ELP2: variants seen among roughly 807,000 people sequenced by gnomAD.
ELP2 encodes elongator complex protein 2.
A neutral mutation model predicts 119.2 loss-of-function variants in ELP2; 90 were observed. The observed-to-expected ratio is 0.75, with a 90% CI of 0.64 to 0.90. The LOEUF is 0.90. ELP2 is among the 40% of genes least tolerant of loss of function. The pLI, the probability that ELP2 is intolerant of heterozygous loss-of-function variation, is 0.00. For missense variants in ELP2, 921 were observed against 967.8 expected, an observed-to-expected ratio of 0.95 and a Z score of 0.64; for synonymous variants, 339 against 331.0, an observed-to-expected ratio of 1.02 and a Z score of -0.26.
intron 14 of ELP2, 139 bp downstream of exon 14, chr18:36,159,043 C>T (rs919710502): frequency 2.7e-5 from 18 of 670,150 alleles, no homozygotes; most frequent in South Asian, 1.3e-4. Flanking sequence ...TCACCTATTT[C>T]GTGATAAGTA....
intron 19 of ELP2, among the ~76,000 whole-genome samples, chr18:36,168,046 TC>T (rs1400749651): frequency 1.3e-5 from 2 of 152,210 alleles, no homozygotes; most frequent in African/African-American, 2.4e-5. Context: ...CTCTGGTCTT[TC>T]CTTTGTTTTC....
intron 19 of ELP2, among the ~76,000 whole-genome samples, chr18:36,169,491 A>AGG: frequency 6.6e-6 from 1 of 150,458 alleles, no homozygotes; most frequent in Non-Finnish European, 1.5e-5. Context: ...GGTTCAAGCG[A>AGG]TTCTCCTGCC....
chr18:36,153,429 C>G (rs943418419), intron 11 of ELP2, among the ~76,000 whole-genome samples: 2 of 152,096 alleles, frequency 1.3e-5, no homozygotes, highest in African/African-American at 4.8e-5. Context: ...GTAGGGAAAA[C>G]TCTCTCTCTT....
intron 19 of ELP2, among the ~76,000 whole-genome samples, chr18:36,169,385 GTT>G: frequency 9.3e-6 from 1 of 107,588 alleles, no homozygotes; most frequent in Non-Finnish European, 1.9e-5. Flanking sequence ...AAGCTGATAA[GTT>G]CTTTTTTTTT....
intron 11 of ELP2, among the ~76,000 whole-genome samples, chr18:36,150,295 T>A (rs1224411540): frequency 6.6e-6 from 1 of 152,146 alleles, no homozygotes; most frequent in Admixed American, 6.5e-5. Flanking sequence ...ATCCAGCAGT[T>A]TTTCACACAG....
At chr18:36,156,359 C>CTAT in intron 12 of ELP2, 107 bp from the exon 13 acceptor site, 1 of 1,078,242 alleles carries the variant, frequency 9.3e-7, no homozygotes, top group Non-Finnish European at 1.4e-6. Flanking sequence ...TGAATATTTG[C>CTAT]CCCATGGTTA....
intron 1 of ELP2, among the ~76,000 whole-genome samples, chr18:36,131,423 AGCGCCGTGAGCGCG>A (rs1386109114): frequency 6.6e-6 from 1 of 152,228 alleles, no homozygotes; most frequent in Non-Finnish European, 1.5e-5. Context: ...CTCCTCATCC[AGCGCCGTGAGCGCG>A]GAGCCTTGCG....
chr18:36,144,107 TG>T (rs1377595075), intron 8 of ELP2, among the ~76,000 whole-genome samples: 2 of 152,232 alleles, frequency 1.3e-5, no homozygotes, highest in African/African-American at 4.8e-5. Context: ...TTCTGTTTTT[TG>T]TTACTATTCT....
At chr18:36,141,479 A>G (rs528901977) in intron 6 of ELP2, 13 of 432,582 alleles carry the variant, frequency 3.0e-5, no homozygotes, top group Middle Eastern at 6.6e-4. Flanking sequence ...TTTCTCTTAA[A>G]GATTTAAACG....
chr18:36,136,505 G>A, intron 3 of ELP2, 128 bp downstream of exon 3: 1 of 779,076 alleles, frequency 1.3e-6, no homozygotes, highest in Non-Finnish European at 2.3e-6. Flanking sequence ...AGCCTCCTAA[G>A]TAGCTGGGAC....
At chr18:36,166,578 C>T (rs112494525) in intron 18 of ELP2, among the ~76,000 whole-genome samples, 6,881 of 151,950 alleles carry the variant, frequency 0.045, 493 homozygotes, top group African/African-American at 0.15. Flanking sequence ...GTGATCCACC[C>T]GCCTCTGCCT....
chr18:36,134,190 CAT>C (rs1477514948), intron 2 of ELP2, among the ~76,000 whole-genome samples: 1 of 152,066 alleles, frequency 6.6e-6, no homozygotes, highest in Non-Finnish European at 1.5e-5. Context: ...ACCTTAATAA[CAT>C]GTGAGAAGTA....
intron 5 of ELP2, among the ~76,000 whole-genome samples, chr18:36,140,361 T>G (rs1331318551): frequency 6.6e-6 from 1 of 152,082 alleles, no homozygotes; most frequent in African/African-American, 2.4e-5. Flanking sequence ...TATTTTTATT[T>G]TGGGGGATGG....
chr18:36,167,568 T>C (rs1466888406), intron 19 of ELP2, among the ~76,000 whole-genome samples: 1 of 152,226 alleles, frequency 6.6e-6, no homozygotes, highest in Non-Finnish European at 1.5e-5. Flanking sequence ...ATTTTCTAGT[T>C]TTCTTACTTT....
chr18:36,130,974 T>C (rs752470177), intron 1 of ELP2, among the ~76,000 whole-genome samples: 1 of 151,632 alleles, frequency 6.6e-6, no homozygotes, highest in Non-Finnish European at 1.5e-5. Context: ...TGGAGACCAG[T>C]TTAGGCAACA....
At chr18:36,139,016 T>C (rs533557866) in intron 5 of ELP2, 144 bp downstream of exon 5, 1 of 723,622 alleles carries the variant, frequency 1.4e-6, no homozygotes, top group East Asian at 2.6e-5. Context: ...ACTTTCCTTA[T>C]AATATTCAAA....
At chr18:36,169,928 A>G (rs1416592361) in intron 19 of ELP2, 135 bp from the exon 20 acceptor site, 3 of 1,153,652 alleles carry the variant, frequency 2.6e-6, no homozygotes, top group Non-Finnish European at 3.8e-6. Flanking sequence ...CTGGCACACC[A>G]TACACGAATG....
chr18:36,159,831 G>A lies in ELP2; in HGVS notation c.1630+1G>A. 1 of 1,613,216 alleles carries A rather than the reference G, an allele frequency of 6.2e-7. No homozygotes were observed. Among genetic ancestry groups the A allele is most frequent in the Non-Finnish European group, 8.5e-7 (1 of 1,179,314 alleles). ...GCCTTTCAGCCCTCCATACTTACTGGTAAGATGTGACAAAGACAATTTAAT... is the reference window on the plus strand; with the variant it reads ...GCCTTTCAGCCCTCCATACTTACTGATAAGATGTGACAAAGACAATTTAAT... On this transcript the variant is annotated splice_donor_variant, in intron 15 of 21. Coordinates refer to ENST00000358232, the MANE Select transcript of ELP2 (RefSeq NM_018255.4). LOFTEE classifies it high-confidence loss of function.
intron 21 of ELP2, among the ~76,000 whole-genome samples, chr18:36,173,964 A>T (rs2091157028): frequency 6.6e-6 from 1 of 152,196 alleles, no homozygotes; most frequent in South Asian, 2.1e-4. Context: ...ACGCAGTTAG[A>T]GGTCACACTG....
Sources: allele counts gnomAD v4.1 joint callset (sites outside exome capture counted in the v4.1 genomes callset), GRCh38; gene constraint gnomAD v4.1.1; transcripts MANE v1.5; gene names NCBI Gene and HGNC (gene_info 2026-07-23, HGNC 2026-07-21).